SLC9A3: variants seen among roughly 807,000 people sequenced by gnomAD.
The protein encoded by SLC9A3 is sodium/hydrogen exchanger 3.
In SLC9A3, 37 loss-of-function variants were observed where a neutral mutation model predicts 86.8. That is an observed-to-expected ratio of 0.43 (90% CI 0.33 to 0.56). SLC9A3 has a LOEUF of 0.56. Among genes scored for constraint, SLC9A3 ranks in the 20% least tolerant of loss-of-function variants. The pLI is 0.06. For missense variants in SLC9A3, 1,011 were observed against 1,171.9 expected (o/e 0.86, Z 2.00); for synonymous variants, 581 against 528.3 (o/e 1.10, Z -1.37).
At chr5:480,138 C>T (rs1739069490) in intron 9 of SLC9A3, 173 bp from the exon 10 acceptor site, 8 of 644,970 alleles carry the variant, frequency 1.2e-5, no homozygotes, top group East Asian at 5.8e-5. Flanking sequence ...GCCGTTCTCC[C>T]GCCTGTCCTG....
At position 491,653 on chromosome 5, in the gene SLC9A3, G is replaced by A. The variant is rs1739746826; in HGVS notation, c.514+116C>T. 1 of 968,216 alleles carries A rather than the reference G, an allele frequency of 1.0e-6. No individual in the cohort carries two copies. The highest frequency in any genetic ancestry group is 1.7e-5 in the African/African-American group (1 of 60,542). 60.0% of individuals were successfully genotyped at this position (968,216 alleles called of 1,614,324 possible). ...GGGCTGCCAGCCACGTTTCTCACCTGACACTTACCGCCTGGAGGCCAGGGT... is the reference window on the plus strand; with the variant it reads ...GGGCTGCCAGCCACGTTTCTCACCTAACACTTACCGCCTGGAGGCCAGGGT... On this transcript the variant is annotated intron_variant, in intron 2 of 16. Coordinates refer to ENST00000264938, the MANE Select transcript of SLC9A3 (RefSeq NM_004174.4). The surrounding 1 kb of genome is among the most constrained non-coding windows in gnomAD (Gnocchi z 9.2).
Position 471,968 on chromosome 5 carries a change from G to C in SLC9A3, c.*1411C>G. On this transcript the variant is annotated 3_prime_UTR_variant, in exon 17 of 17. Coordinates refer to ENST00000264938, the MANE Select transcript of SLC9A3 (RefSeq NM_004174.4). Reference sequence around the variant, plus strand: ...ACTGGTGACTGTCAACACTTGATCTGAAACGTGAATAGTTTAATTTTCCTG... The same window carrying C: ...ACTGGTGACTGTCAACACTTGATCTCAAACGTGAATAGTTTAATTTTCCTG... The C allele has an allele frequency of 2.2e-6, 1 of 456,666 alleles. No homozygotes were observed. Among genetic ancestry groups the C allele is most frequent in the Non-Finnish European group, 4.4e-6 (1 of 226,970 alleles). 28.3% of individuals were successfully genotyped at this position (456,666 alleles called of 1,614,324 possible).
At chr5:522,613 C>T (rs1733915722) in intron 1 of SLC9A3, among the ~76,000 whole-genome samples, 1 of 151,958 alleles carries the variant, frequency 6.6e-6, no homozygotes, top group Non-Finnish European at 1.5e-5. Flanking sequence ...TACAAATTAG[C>T]TGGGCGTGGT....
chr5:510,811 G>A (rs1740842501), intron 1 of SLC9A3, among the ~76,000 whole-genome samples: 1 of 152,194 alleles, frequency 6.6e-6, no homozygotes, highest in Admixed American at 6.5e-5. Flanking sequence ...GCTGGGTGCA[G>A]GGGTGGGCGG....
intron 10 of SLC9A3, 40 bp from the exon 11 acceptor site, chr5:477,484 C>T: frequency 5.6e-6 from 8 of 1,433,620 alleles, no homozygotes; most frequent in South Asian, 1.2e-5. Flanking sequence ...CCTGAGCAGC[C>T]AAGCCCTAGC....
chr5:475,105 T>G lies in SLC9A3; in HGVS notation c.2279A>C (p.Asp760Ala), dbSNP rs770366183. 25 of 1,604,694 alleles carry G rather than the reference T, an allele frequency of 1.6e-5. No homozygotes were observed. The East Asian group carries it at 5.6e-4, about 36-fold the overall frequency. ...AGIDNPVFSP[D>A]EALDRSLLAR... The stretch of plus-strand genomic sequence containing the variant: ...CAGGAGGCTGCGGTCCAGGGCCTCG[T>G]CCGGAGAAAACACAGGGTTGTCAAT... The change falls in exon 16 of 17, where the codon GAC (aspartate) becomes GCC (alanine). Residue 760 changes from aspartate (D) to alanine (A), a missense_variant. Physicochemically the swap from Asp to Ala is moderately radical, Grantham distance 126. Coordinates refer to ENST00000264938, the MANE Select transcript of SLC9A3 (RefSeq NM_004174.4).
At chr5:509,674 T>A (rs965394722) in intron 1 of SLC9A3, among the ~76,000 whole-genome samples, 1 of 151,820 alleles carries the variant, frequency 6.6e-6, no homozygotes, top group Non-Finnish European at 1.5e-5. Flanking sequence ...CTCAGTGAAC[T>A]GCCAGGGACC....
chr5:494,176 G>C (rs977994844), intron 1 of SLC9A3, among the ~76,000 whole-genome samples: 1 of 152,244 alleles, frequency 6.6e-6, no homozygotes, highest in South Asian at 2.1e-4. Context: ...TGTGATGCAC[G>C]TGAGAAGTCC....
intron 1 of SLC9A3, among the ~76,000 whole-genome samples, chr5:523,313 C>T (rs1169019093): frequency 1.3e-5 from 2 of 152,146 alleles, no homozygotes; most frequent in African/African-American, 2.4e-5. Flanking sequence ...GAAACCTCCT[C>T]TCGCCCCAGT....
At chr5:517,729 A>C (rs1285507454) in intron 1 of SLC9A3, among the ~76,000 whole-genome samples, 12 of 149,408 alleles carry the variant, frequency 8.0e-5, no homozygotes, top group African/African-American at 2.7e-4. Context: ...CCAGCCATCC[A>C]CCCATCCATC....
intron 1 of SLC9A3, among the ~76,000 whole-genome samples, chr5:508,719 C>T (rs1327471860): frequency 1.3e-5 from 2 of 152,210 alleles, no homozygotes; most frequent in Non-Finnish European, 2.9e-5. Flanking sequence ...GCCCCCACGC[C>T]GTAAAGGACA....
chr5:476,166 C>T, intron 13 of SLC9A3, 36 bp downstream of exon 13: 1 of 1,613,000 alleles, frequency 6.2e-7, no homozygotes, highest in Non-Finnish European at 8.5e-7. Context: ...GCTCCAGGCC[C>T]CAGCCCCGCC....
In SLC9A3 at chr5:483,426, T is replaced by C. The variant is rs1447133106; in HGVS notation, c.989A>G (p.Gln330Arg). 3 of 1,583,322 alleles carry C rather than the reference T, an allele frequency of 1.9e-6. No homozygotes were observed. Among genetic ancestry groups the C allele is most frequent in the Non-Finnish European group, 2.6e-6 (3 of 1,164,780 alleles). ...GGTGTAGCGCACGGTGGTGGCCGAC[T>C]GCTCCGAGATGTTGGCCTTCACATA... ...QKYVKANISE[Q>R]SATTVRYTMK... Residue 330 changes from glutamine (Q) to arginine (R), a missense_variant, in exon 6 of 17, where the codon CAG (glutamine) becomes CGG (arginine). Around this residue, in one of 3 missense-constraint regions of SLC9A3, gnomAD observed 565 missense variants for 790.0 expected, o/e 0.72. Transcript: ENST00000264938.
At chr5:510,503 T>C (rs955467186) in intron 1 of SLC9A3, among the ~76,000 whole-genome samples, 1 of 152,136 alleles carries the variant, frequency 6.6e-6, no homozygotes, top group Non-Finnish European at 1.5e-5. Flanking sequence ...GGGGCTGCTG[T>C]TTTCTCGAGT....
intron 1 of SLC9A3, among the ~76,000 whole-genome samples, chr5:503,875 G>A (rs1219819107): frequency 2.6e-5 from 4 of 152,214 alleles, no homozygotes; most frequent in Non-Finnish European, 1.5e-5. Context: ...TCGGCGAATC[G>A]TCTGCGCGAG....
Position 483,126 on chromosome 5 carries a change from CCACCAT to C in SLC9A3, c.1153+130_1153+135del, listed in dbSNP as rs893983410. 18 of 709,406 alleles carry C rather than the reference CCACCAT, an allele frequency of 2.5e-5. No homozygotes were observed. In the Admixed American group the frequency reaches 4.1e-4, roughly 16 times the overall value. The allele number at this position is 709,406 out of a possible 1,614,324, so 43.9% of individuals were successfully genotyped here. On this transcript the variant is annotated intron_variant, in intron 6 of 16. Transcript: ENST00000264938. The stretch of plus-strand genomic sequence containing the variant: ...GCCTCCCACCCCAGCCCCGAGGCCG[CCACCAT>C]CAGGTCCTCTCCTCTGCCTTGCACG...
chr5:513,880 C>T (rs1222817515), intron 1 of SLC9A3, among the ~76,000 whole-genome samples: 5 of 152,248 alleles, frequency 3.3e-5, no homozygotes, highest in South Asian at 4.1e-4. Flanking sequence ...GCACCTCTGG[C>T]GACAGGGCTG....
In SLC9A3 at chr5:491,729, C is replaced by T. The variant is rs771350677; in HGVS notation, c.514+40G>A. On this transcript the variant is annotated intron_variant, in intron 2 of 16. Coordinates refer to ENST00000264938, the MANE Select transcript of SLC9A3 (RefSeq NM_004174.4). The surrounding 1 kb of genome is among the most constrained non-coding windows in gnomAD (Gnocchi z 9.2). ...AGGCAGCGCCGCCCCTCCCGGACCC[C>T]ACCCTGATCCCGGCCGGGGCAACAG... The T allele has an allele frequency of 2.0e-6, 3 of 1,476,926 alleles. No homozygotes were observed. 91.5% of individuals were successfully genotyped at this position (1,476,926 alleles called of 1,614,324 possible).
At chr5:494,263 C>A (rs571943892) in intron 1 of SLC9A3, among the ~76,000 whole-genome samples, 117 of 152,352 alleles carry the variant, frequency 7.7e-4, no homozygotes, top group East Asian at 5.8e-4. Context: ...GGGCTGGCAG[C>A]CCAGCAGGAA....
Sources: gnomAD v4.1 joint callset for allele counts (sites outside exome capture counted in the v4.1 genomes callset) on GRCh38, gnomAD v4.1.1 for gene constraint, gnomAD v4.1.1 regional missense constraint, Gnocchi (gnomAD v3.1) non-coding constraint, MANE v1.5 for transcripts, NCBI Gene and HGNC (gene_info 2026-07-23, HGNC 2026-07-21) for gene names.